JAZF1: variants seen among roughly 807,000 people sequenced by gnomAD.
The protein encoded by JAZF1 is juxtaposed with another zinc finger protein 1.
Under a neutral mutation model 26.4 loss-of-function variants are expected in JAZF1, and 8 were observed. The ratio of observed to expected loss-of-function variants is 0.30; its 90% CI spans 0.18 to 0.55. The LOEUF is 0.55. JAZF1 is among the 20% of genes least tolerant of loss of function. The probability of loss-of-function intolerance (pLI) is 0.94; values close to 1 mark genes in which losing one functional copy is unlikely to be tolerated. For synonymous variants in JAZF1, 126 were observed against 122.3 expected, an observed-to-expected ratio of 1.03 and a Z score of -0.20; for missense variants, 199 against 322.0, an observed-to-expected ratio of 0.62 and a Z score of 2.92.
chr7:28,130,216 A>C (rs548599167), intron 1 of JAZF1, among the ~76,000 whole-genome samples: 1 of 152,178 alleles, frequency 6.6e-6, no homozygotes, highest in Non-Finnish European at 1.5e-5. Flanking sequence ...TTCATACAAC[A>C]AGTATCCACT....
intron 2 of JAZF1, among the ~76,000 whole-genome samples, chr7:27,953,436 T>A (rs1390738776): frequency 6.6e-6 from 1 of 152,232 alleles, no homozygotes; most frequent in African/African-American, 2.4e-5. Flanking sequence ...TTAGTTACCA[T>A]GACAAATGAC....
intron 3 of JAZF1, among the ~76,000 whole-genome samples, chr7:27,869,132 T>C (rs1783535632): frequency 1.3e-5 from 2 of 152,280 alleles, no homozygotes; most frequent in African/African-American, 4.8e-5. Context: ...AAACACCACA[T>C]AGTGATAAGC....
chr7:27,962,993 G>A (rs1276710462), intron 2 of JAZF1, among the ~76,000 whole-genome samples: 1 of 152,134 alleles, frequency 6.6e-6, no homozygotes, highest in East Asian at 1.9e-4. Flanking sequence ...TTCACTGTGT[G>A]GGGTTAGCAT....
intron 2 of JAZF1, among the ~76,000 whole-genome samples, chr7:27,929,413 A>G (rs1050038543): frequency 6.6e-6 from 1 of 152,236 alleles, no homozygotes; most frequent in African/African-American, 2.4e-5. Context: ...CCAGGCTCAC[A>G]GAATGAAGTG....
At chr7:27,834,664 T>C (rs543633587) in intron 4 of JAZF1, among the ~76,000 whole-genome samples, 1 of 152,192 alleles carries the variant, frequency 6.6e-6, no homozygotes, top group African/African-American at 2.4e-5. Flanking sequence ...TGGGTAGATA[T>C]GCCCTGCCAG....
At chr7:27,946,721 G>C (rs757085820) in intron 2 of JAZF1, among the ~76,000 whole-genome samples, 20 of 152,190 alleles carry the variant, frequency 1.3e-4, no homozygotes, top group Admixed American at 4.6e-4. Context: ...GGGCTCCAAA[G>C]GTGGCTTCTG....
chr7:28,169,780 C>G (rs1783424108), intron 1 of JAZF1, among the ~76,000 whole-genome samples: 1 of 152,150 alleles, frequency 6.6e-6, no homozygotes, highest in Non-Finnish European at 1.5e-5. Context: ...GAAAACTGTA[C>G]AAGTATGCCT....
intron 2 of JAZF1, among the ~76,000 whole-genome samples, chr7:27,947,535 A>G (rs978693092): frequency 6.6e-6 from 1 of 152,214 alleles, no homozygotes; most frequent in Non-Finnish European, 1.5e-5. Context: ...GCTTTCATGC[A>G]GCATTTACTT....
intron 2 of JAZF1, among the ~76,000 whole-genome samples, chr7:27,975,865 C>A (rs1006440620): frequency 6.6e-6 from 1 of 152,142 alleles, no homozygotes; most frequent in Non-Finnish European, 1.5e-5. Context: ...ATAGAGTGTC[C>A]TAAGAATGAA....
intron 2 of JAZF1, chr7:27,914,819 CAG>C (rs909864826): frequency 4.7e-5 from 22 of 471,044 alleles, no homozygotes; most frequent in Admixed American, 4.2e-4. Context: ...CTACAGGAAA[CAG>C]CCTTCTGGAT....
intron 1 of JAZF1, among the ~76,000 whole-genome samples, chr7:28,069,544 A>G (rs1783941534): frequency 6.6e-6 from 1 of 152,178 alleles, no homozygotes; most frequent in African/African-American, 2.4e-5. Flanking sequence ...CATGAGCCTG[A>G]GCCATGCACC....
intron 3 of JAZF1, among the ~76,000 whole-genome samples, chr7:27,869,342 C>CCAT (rs1484078899): frequency 6.6e-6 from 1 of 152,182 alleles, no homozygotes; most frequent in Non-Finnish European, 1.5e-5. Context: ...GACTCCAAAA[C>CCAT]CATCAGGTGC....
intron 1 of JAZF1, among the ~76,000 whole-genome samples, chr7:28,108,960 ACT>A (rs1407423533): frequency 6.6e-6 from 1 of 152,230 alleles, no homozygotes; most frequent in African/African-American, 2.4e-5. Context: ...AAAGACAAGT[ACT>A]GTATGATCTC....
At chr7:28,125,378 GA>G (rs1782678625) in intron 1 of JAZF1, among the ~76,000 whole-genome samples, 1 of 152,112 alleles carries the variant, frequency 6.6e-6, no homozygotes, top group South Asian at 2.1e-4. Context: ...TACCGAGGGG[GA>G]AAAAGTGCAG....
chr7:27,870,113 G>A (rs1783556047), intron 3 of JAZF1, among the ~76,000 whole-genome samples: 2 of 135,424 alleles, frequency 1.5e-5, no homozygotes, highest in East Asian at 2.1e-4. Flanking sequence ...TTTTAGTAGA[G>A]ACTGGGTTTC....
chr7:28,144,838 A>G (rs1345092255), intron 1 of JAZF1, among the ~76,000 whole-genome samples: 1 of 152,228 alleles, frequency 6.6e-6, no homozygotes, highest in Non-Finnish European at 1.5e-5. Flanking sequence ...AATCAAAGGT[A>G]AATCTGCTGG....
intron 2 of JAZF1, among the ~76,000 whole-genome samples, chr7:27,948,548 G>A (rs1242111738): frequency 1.3e-5 from 2 of 152,140 alleles, no homozygotes; most frequent in Non-Finnish European, 2.9e-5. Context: ...TGACAGCAAT[G>A]ACTTATCATT....
intron 3 of JAZF1, among the ~76,000 whole-genome samples, chr7:27,857,564 C>A (rs1301552523): frequency 6.6e-6 from 1 of 152,254 alleles, no homozygotes; most frequent in African/African-American, 2.4e-5. Context: ...AGCATGCTGT[C>A]ACCTCTCACA....
At chr7:28,113,415 A>G (rs1784694525) in intron 1 of JAZF1, among the ~76,000 whole-genome samples, 1 of 152,134 alleles carries the variant, frequency 6.6e-6, no homozygotes, top group Admixed American at 6.5e-5. Flanking sequence ...AGTTACTAAC[A>G]CTGCTGCTGA....
Sources: gnomAD v4.1 joint callset for allele counts (sites outside exome capture counted in the v4.1 genomes callset) on GRCh38, gnomAD v4.1.1 for gene constraint, MANE v1.5 for transcripts, NCBI Gene and HGNC (gene_info 2026-07-23, HGNC 2026-07-21) for gene names.